ADAM20: variants seen among roughly 807,000 people sequenced by gnomAD.
ADAM20 encodes disintegrin and metalloproteinase domain-containing protein 20.
For missense variants in ADAM20, 871 were observed against 883.2 expected (o/e 0.99, Z 0.18); for synonymous variants, 305 against 310.2 (o/e 0.98, Z 0.18).
chr14:70,574,234 T>C, the ADAM20 span, among the ~76,000 whole-genome samples: 2 of 152,084 alleles, frequency 1.3e-5, no homozygotes, highest in East Asian at 1.9e-4. Context: ...GAACTACCAG[T>C]TGGTCAAAGA....
chr14:70,576,549 C>G, the ADAM20 span, among the ~76,000 whole-genome samples: 1 of 152,000 alleles, frequency 6.6e-6, no homozygotes, highest in Non-Finnish European at 1.5e-5. Flanking sequence ...AATAAGAAAA[C>G]TCATTCATTC....
chr14:70,573,448 G>C, the ADAM20 span, among the ~76,000 whole-genome samples: 2 of 152,272 alleles, frequency 1.3e-5, no homozygotes, highest in East Asian at 1.9e-4. Flanking sequence ...ACGAAGATGG[G>C]AAAGAGTTGG....
At chr14:70,571,538 ACC>A in the ADAM20 span, among the ~76,000 whole-genome samples, 2 of 152,312 alleles carry the variant, frequency 1.3e-5, no homozygotes, top group East Asian at 3.9e-4. Flanking sequence ...TTTATAAATT[ACC>A]CAGTCTCAAG....
the ADAM20 span, among the ~76,000 whole-genome samples, chr14:70,567,104 G>A: frequency 1.3e-5 from 2 of 152,152 alleles, no homozygotes; most frequent in Non-Finnish European, 2.9e-5. Context: ...GGTGACTTGG[G>A]AATTTCCCAG....
At chr14:70,545,026 G>A in the ADAM20 span, among the ~76,000 whole-genome samples, 1 of 152,036 alleles carries the variant, frequency 6.6e-6, no homozygotes, top group Non-Finnish European at 1.5e-5. Flanking sequence ...ATGTACTAAG[G>A]AACAACTTTA....
chr14:70,523,718 T>A lies in ADAM20; in HGVS notation c.1040A>T (p.Asn347Ile). ...AITLGHELGHNLGMQHDTQWC... is the reference protein window; with the variant it reads ...AITLGHELGHILGMQHDTQWC... ...CTGGGTGTCATGTTGCATACCCAAA[T>A]TATGACCAAGCTCGTGGCCCAAAGT... is the stretch of plus-strand genomic sequence containing the variant. The change falls in exon 2 of 2, where the codon AAT (asparagine) becomes ATT (isoleucine). Residue 347 changes from asparagine to isoleucine, a missense_variant. Coordinates refer to ENST00000256389, the MANE Select transcript of ADAM20 (RefSeq NM_003814.5). The A allele has an allele frequency of 6.2e-7, 1 of 1,614,080 alleles. No individual in the cohort carries two copies. The highest frequency in any genetic ancestry group is 8.5e-7 in the Non-Finnish European group (1 of 1,179,980).
chr14:70,530,568 C>T (rs1190114545), intron 1 of ADAM20, among the ~76,000 whole-genome samples: 1 of 152,144 alleles, frequency 6.6e-6, no homozygotes, highest in East Asian at 1.9e-4. Context: ...AGCATCACCA[C>T]AAACACATGA....
chr14:70,523,898 A>T lies in ADAM20; in HGVS notation c.860T>A (p.Leu287His). The change falls in exon 2 of 2, where the codon CTT becomes CAT. Residue 287 changes from leucine to histidine, a missense_variant. Transcript: ENST00000256389. ...AACATCATGTTGTAGTCGATTATTAAGGTTATAATTCTTCCAAATAGAAAA... is the reference window on the plus strand; with the variant it reads ...AACATCATGTTGTAGTCGATTATTATGGTTATAATTCTTCCAAATAGAAAA... ...EDFSIWKNYN[L>H]NNRLQHDVAH... 1 of 1,613,950 alleles carries T rather than the reference A, an allele frequency of 6.2e-7. No individual in the cohort carries two copies. Among genetic ancestry groups the T allele is most frequent in the East Asian group, 2.2e-5 (1 of 44,884 alleles).
intron 1 of ADAM20, 106 bp from the exon 2 acceptor site, chr14:70,525,039 A>T (rs1883559372): frequency 2.0e-6 from 2 of 993,100 alleles, no homozygotes; most frequent in Admixed American, 5.6e-5. Context: ...AATAAAATGC[A>T]TTAGGATTCT....
chr14:70,561,045 G>A, the ADAM20 span, among the ~76,000 whole-genome samples: 3 of 152,200 alleles, frequency 2.0e-5, no homozygotes, highest in East Asian at 5.8e-4. Context: ...GAAGATATGG[G>A]AAAGTTTGGA....
the ADAM20 span, among the ~76,000 whole-genome samples, chr14:70,553,830 T>A: frequency 6.6e-6 from 1 of 151,818 alleles, no homozygotes; most frequent in East Asian, 1.9e-4. Flanking sequence ...ACAGCTAGCA[T>A]CATGAATGGG....
intron 1 of ADAM20, among the ~76,000 whole-genome samples, chr14:70,527,769 C>T (rs987214418): frequency 1.3e-5 from 2 of 152,202 alleles, no homozygotes; most frequent in Non-Finnish European, 2.9e-5. Flanking sequence ...CCTCCACCAC[C>T]TCTATCCAGT....
chr14:70,555,438 C>T, the ADAM20 span, among the ~76,000 whole-genome samples: 1 of 152,122 alleles, frequency 6.6e-6, no homozygotes, highest in Admixed American at 6.5e-5. Flanking sequence ...TGAAAAATCA[C>T]ACTGTTTAGA....
upstream of ADAM20, among the ~76,000 whole-genome samples, chr14:70,538,091 T>G (rs1291810012): frequency 6.6e-6 from 1 of 152,014 alleles, no homozygotes; most frequent in Admixed American, 6.5e-5. Context: ...CGTATTCTCA[T>G]CCCCCTGCAT....
At chr14:70,546,447 T>C in the ADAM20 span, among the ~76,000 whole-genome samples, 41,014 of 151,970 alleles carry the variant, frequency 0.27, 7,687 homozygotes, top group East Asian at 0.56. Flanking sequence ...TCCAGAAAGG[T>C]GGGGACAACT....
At chr14:70,546,869 G>T in the ADAM20 span, among the ~76,000 whole-genome samples, 1 of 152,002 alleles carries the variant, frequency 6.6e-6, no homozygotes, top group Non-Finnish European at 1.5e-5. Flanking sequence ...TAAAGAAATT[G>T]AAATGAAGAA....
At chr14:70,532,018 AC>A (rs1178330394) in intron 1 of ADAM20, among the ~76,000 whole-genome samples, 2 of 152,296 alleles carry the variant, frequency 1.3e-5, no homozygotes, top group South Asian at 4.1e-4. Flanking sequence ...ATAAAGAAGC[AC>A]AAATGGCCCC....
At chr14:70,575,828 G>A in the ADAM20 span, among the ~76,000 whole-genome samples, 1 of 152,140 alleles carries the variant, frequency 6.6e-6, no homozygotes, top group Non-Finnish European at 1.5e-5. Flanking sequence ...TTCTGGAAAG[G>A]CTTCTCAGAA....
At chr14:70,570,639 C>T in the ADAM20 span, among the ~76,000 whole-genome samples, 2 of 152,004 alleles carry the variant, frequency 1.3e-5, no homozygotes, top group Non-Finnish European at 2.9e-5. Flanking sequence ...AATCTACCAA[C>T]CAAAAAAAGC....
Sources: gnomAD v4.1 joint callset for allele counts (sites outside exome capture counted in the v4.1 genomes callset) on GRCh38, gnomAD v4.1.1 for gene constraint, MANE v1.5 for transcripts, NCBI Gene and HGNC (gene_info 2026-07-23, HGNC 2026-07-21) for gene names.